ENTREP2: variants seen among roughly 807,000 people sequenced by gnomAD.
The protein encoded by ENTREP2 is endosomal transmembrane epsin interactor 2, also known as protein ENTREP2.
chr15:29,532,144 C>T, the ENTREP2 span, among the ~76,000 whole-genome samples: 1 of 152,026 alleles, frequency 6.6e-6, no homozygotes, highest in East Asian at 1.9e-4. Flanking sequence ...ATTTTGTATA[C>T]CTCAGATTCT....
the ENTREP2 span, among the ~76,000 whole-genome samples, chr15:29,227,441 C>T: frequency 6.6e-6 from 1 of 152,092 alleles, no homozygotes; most frequent in Non-Finnish European, 1.5e-5. Context: ...GCAGGAAAAG[C>T]GGAGGAGCGG....
chr15:29,383,917 T>G, the ENTREP2 span, among the ~76,000 whole-genome samples: 1 of 152,268 alleles, frequency 6.6e-6, no homozygotes, highest in South Asian at 2.1e-4. Context: ...TTTACAGCCA[T>G]TTCCCACCGC....
At chr15:29,410,320 T>C in the ENTREP2 span, among the ~76,000 whole-genome samples, 5 of 152,240 alleles carry the variant, frequency 3.3e-5, no homozygotes, top group South Asian at 1.0e-3. Context: ...AGAAAAAACA[T>C]AGTATTTTTT....
the ENTREP2 span, among the ~76,000 whole-genome samples, chr15:29,597,016 G>A: frequency 6.6e-6 from 1 of 151,258 alleles, no homozygotes; most frequent in African/African-American, 2.4e-5. Context: ...TCTCTGCACT[G>A]TAAAGTTCAT....
chr15:29,158,457 G>A, the ENTREP2 span, among the ~76,000 whole-genome samples: 1 of 147,386 alleles, frequency 6.8e-6, no homozygotes, highest in Admixed American at 6.8e-5. Context: ...CCAGGCTGGA[G>A]TGCAGTGGCG....
At chr15:29,345,022 C>G in the ENTREP2 span, among the ~76,000 whole-genome samples, 3 of 151,426 alleles carry the variant, frequency 2.0e-5, no homozygotes, top group African/African-American at 7.3e-5. Context: ...GGTTGTTTCC[C>G]TTTGCCAAGG....
At chr15:29,598,886 C>T in the ENTREP2 span, among the ~76,000 whole-genome samples, 1,314 of 152,128 alleles carry the variant, frequency 8.6e-3, 12 homozygotes, top group African/African-American at 0.03. Context: ...TTAGTAGAGA[C>T]GGGGTTTCAC....
the ENTREP2 span, among the ~76,000 whole-genome samples, chr15:29,430,141 C>G: frequency 7.2e-5 from 11 of 152,260 alleles, no homozygotes; most frequent in Non-Finnish European, 1.0e-4. Flanking sequence ...GGCAAGAAGG[C>G]TTTCTTTCAG....
the ENTREP2 span, among the ~76,000 whole-genome samples, chr15:29,413,408 G>A: frequency 3.3e-5 from 5 of 151,792 alleles, no homozygotes; most frequent in Admixed American, 6.6e-5. Context: ...TTCTTTATAC[G>A]CTTTGCAGTG....
At chr15:29,615,547 C>T in the ENTREP2 span, among the ~76,000 whole-genome samples, 1 of 152,066 alleles carries the variant, frequency 6.6e-6, no homozygotes, top group Non-Finnish European at 1.5e-5. Flanking sequence ...CTAGAAATGC[C>T]CTCTCCATTC....
At chr15:29,615,380 T>C in the ENTREP2 span, among the ~76,000 whole-genome samples, 1 of 152,096 alleles carries the variant, frequency 6.6e-6, no homozygotes, top group Non-Finnish European at 1.5e-5. Flanking sequence ...GGTCTCGAAC[T>C]CCTGACCTCA....
At chr15:29,572,498 A>G in the ENTREP2 span, among the ~76,000 whole-genome samples, 1 of 151,622 alleles carries the variant, frequency 6.6e-6, no homozygotes, top group Non-Finnish European at 1.5e-5. Context: ...TCATCCGTTC[A>G]TTCATTCCTC....
At chr15:29,626,112 T>TAGAATGGTTTCTTCATGTTGTTGCTA in the ENTREP2 span, among the ~76,000 whole-genome samples, 5 of 152,192 alleles carry the variant, frequency 3.3e-5, no homozygotes, top group Non-Finnish European at 7.4e-5. Context: ...CTCCCAAACT[T>TAGAATGGTTTCTTCATGTTGTTGCTA]AGAATGGTTT....
chr15:29,573,658 CCT>C, the ENTREP2 span, among the ~76,000 whole-genome samples: 33 of 146,016 alleles, frequency 2.3e-4, no homozygotes, highest in Admixed American at 4.8e-4. Context: ...TCTCTCTCTC[CCT>C]CTCTCTCTCT....
chr15:29,508,114 T>TA, the ENTREP2 span, among the ~76,000 whole-genome samples: 3 of 152,126 alleles, frequency 2.0e-5, no homozygotes, highest in African/African-American at 7.2e-5. Context: ...CAGAATACTA[T>TA]AAACACCTCT....
the ENTREP2 span, chr15:29,375,665 G>A: frequency 6.6e-6 from 1 of 152,134 alleles, no homozygotes; most frequent in African/African-American, 2.4e-5. Flanking sequence ...TCTTCCTGGA[G>A]GCCACAAATT....
the ENTREP2 span, among the ~76,000 whole-genome samples, chr15:29,590,780 A>G: frequency 6.6e-6 from 1 of 152,016 alleles, no homozygotes; most frequent in South Asian, 2.1e-4. Context: ...ATATAATGGT[A>G]TGTTTAAAGA....
chr15:29,674,623 C>T, the ENTREP2 span, among the ~76,000 whole-genome samples: 1 of 151,912 alleles, frequency 6.6e-6, no homozygotes, highest in African/African-American at 2.4e-5. Flanking sequence ...TGAGACCAGC[C>T]GCCTGAGGGA....
At chr15:29,356,296 A>ATATATAT in the ENTREP2 span, among the ~76,000 whole-genome samples, 1 of 34,384 alleles carries the variant, frequency 2.9e-5, no homozygotes, top group African/African-American at 8.8e-5. Context: ...ATATATATAT[A>ATATATAT]TTTTTTTTTT....
Sources: allele counts gnomAD v4.1 joint callset (sites outside exome capture counted in the v4.1 genomes callset), GRCh38; gene constraint gnomAD v4.1.1; transcripts MANE v1.5; gene names NCBI Gene and HGNC (gene_info 2026-07-23, HGNC 2026-07-21).